MYT1L: variants seen among roughly 807,000 people sequenced by gnomAD.
MYT1L encodes myelin transcription factor 1 like, also known as myelin transcription factor 1-like protein.
A neutral mutation model predicts 126.7 loss-of-function variants in MYT1L; 12 were observed. That is an observed-to-expected ratio of 0.09 (90% CI 0.06 to 0.15). The LOEUF is 0.15. Ranked by LOEUF, MYT1L falls within the 10% of genes least tolerant of loss-of-function variation. The pLI, the probability that MYT1L is intolerant of heterozygous loss-of-function variation, is 1.00. For synonymous variants in MYT1L, 541 were observed against 604.2 expected (o/e 0.90, Z 1.53); for missense variants, 979 against 1,585.2 (o/e 0.62, Z 6.49).
At chr2:2,185,770 A>C (rs1164339739) in intron 2 of MYT1L, among the ~76,000 whole-genome samples, 135 of 64,618 alleles carry the variant, frequency 2.1e-3, no homozygotes, top group Admixed American at 4.0e-3. Flanking sequence ...CGCGTTCCTT[A>C]CGTGAGGGGG....
At chr2:2,165,913 A>G (rs1224879270) in intron 3 of MYT1L, among the ~76,000 whole-genome samples, 1 of 151,972 alleles carries the variant, frequency 6.6e-6, no homozygotes, top group Non-Finnish European at 1.5e-5. Flanking sequence ...AAAAAAATAA[A>G]ATCTTTTATT....
chr2:1,841,160 CTCTT>C, intron 19 of MYT1L: 1 of 144,338 alleles, frequency 6.9e-6, no homozygotes, highest in South Asian at 1.6e-4. Context: ...CCACCTCGGC[CTCTT>C]TTTTTTTTTT....
intron 19 of MYT1L, chr2:1,842,940 T>A (rs943293110): frequency 5.7e-6 from 1 of 175,152 alleles, no homozygotes; most frequent in South Asian, 1.3e-4. Flanking sequence ...CGCTTCCGCT[T>A]CCAGGCGCTT....
chr2:2,164,813 C>T (rs1349367624), intron 3 of MYT1L, among the ~76,000 whole-genome samples: 1 of 152,152 alleles, frequency 6.6e-6, no homozygotes, highest in Non-Finnish European at 1.5e-5. Flanking sequence ...TTAGCCCTTG[C>T]CTTTAGGACT....
At chr2:1,810,129 CTT>C (rs67292334) in intron 21 of MYT1L, 8,333 of 122,886 alleles carry the variant, frequency 0.068, 314 homozygotes, top group African/African-American at 0.11. Flanking sequence ...ATATATAACG[CTT>C]TTTTTTTTTT....
chr2:2,107,595 C>T (rs917237953), intron 3 of MYT1L, among the ~76,000 whole-genome samples: 1 of 151,430 alleles, frequency 6.6e-6, no homozygotes, highest in African/African-American at 2.4e-5. Context: ...ATAATTTTTA[C>T]GGAGTTTTTT....
rs555318324 is a variant in MYT1L at position 2,085,836 on chromosome 2, G to A, written c.-303-31713C>T. Among the ~76,000 whole-genome samples, 11 of 152,234 alleles carry A rather than the reference G, an allele frequency of 7.2e-5. No individual in the cohort carries two copies. The South Asian group carries it at 1.2e-3, about 17-fold the overall frequency. On this transcript the variant is annotated intron_variant, in intron 3 of 24. Transcript: ENST00000647738. ...CACGCACCTCTCTCTGAGACACCGC[G>A]CTCTCAGGCCCCTCTGTCCCCACTC...
intron 3 of MYT1L, among the ~76,000 whole-genome samples, chr2:2,150,823 A>C (rs916493580): frequency 2.0e-5 from 3 of 149,328 alleles, no homozygotes; most frequent in Non-Finnish European, 3.0e-5. Context: ...AGAGGGAGTG[A>C]AGAGGAAAGG....
chr2:1,843,407 A>C (rs2042082000), intron 19 of MYT1L, among the ~76,000 whole-genome samples: 1 of 152,098 alleles, frequency 6.6e-6, no homozygotes, highest in Non-Finnish European at 1.5e-5. Context: ...ACGGTATCCT[A>C]CCCAGGGAGA....
chr2:2,076,628 T>A (rs1253235132), intron 3 of MYT1L, among the ~76,000 whole-genome samples: 1 of 152,156 alleles, frequency 6.6e-6, no homozygotes, highest in Non-Finnish European at 1.5e-5. Flanking sequence ...CCAGGAAAGT[T>A]ACTAAAAAAT....
At chr2:1,956,031 C>T (rs2149347222) in intron 8 of MYT1L, among the ~76,000 whole-genome samples, 1 of 150,940 alleles carries the variant, frequency 6.6e-6, no homozygotes, top group Admixed American at 6.6e-5. Flanking sequence ...TTCATCATCC[C>T]TAGTTCTATG....
intron 2 of MYT1L, among the ~76,000 whole-genome samples, chr2:2,192,281 C>A (rs1055433248): frequency 6.6e-6 from 1 of 152,214 alleles, no homozygotes; most frequent in Admixed American, 6.5e-5. Flanking sequence ...TTCCACTCCT[C>A]CCTCCACACG....
At chr2:1,972,834 G>C (rs1458862303) in intron 8 of MYT1L, among the ~76,000 whole-genome samples, 2 of 152,230 alleles carry the variant, frequency 1.3e-5, no homozygotes, top group African/African-American at 4.8e-5. Flanking sequence ...CTAATGAAAA[G>C]GAAAAGCCAT....
chr2:2,159,212 TA>T (rs1478877330), intron 3 of MYT1L, among the ~76,000 whole-genome samples: 1 of 152,060 alleles, frequency 6.6e-6, no homozygotes, highest in Non-Finnish European at 1.5e-5. Flanking sequence ...CAGCCTGTGC[TA>T]AAAAGGAAGG....
chr2:2,205,143 G>A (rs1202900136), intron 2 of MYT1L, among the ~76,000 whole-genome samples: 5 of 148,950 alleles, frequency 3.4e-5, no homozygotes, highest in Non-Finnish European at 7.4e-5. Context: ...GGGAGGGATA[G>A]CATTAGGAGA....
chr2:2,068,769 G>GTTTGTTTTTTT (rs2074210117), intron 3 of MYT1L, among the ~76,000 whole-genome samples: 18 of 26,190 alleles, frequency 6.9e-4, no homozygotes, highest in East Asian at 2.0e-3. Context: ...TGTTCTTCTT[G>GTTTGTTTTTTT]TTTTTTTTTT....
intron 4 of MYT1L, among the ~76,000 whole-genome samples, chr2:2,006,601 G>T (rs187466751): frequency 6.8e-4 from 103 of 151,812 alleles, no homozygotes; most frequent in African/African-American, 2.3e-3. Flanking sequence ...TTTGAGACAG[G>T]GTCTCACTCT....
chr2:2,091,296 A>C (rs2150385166), intron 3 of MYT1L, among the ~76,000 whole-genome samples: 1 of 152,328 alleles, frequency 6.6e-6, no homozygotes, highest in South Asian at 2.1e-4. Context: ...AATGACATTA[A>C]TCTCCTTGCA....
At chr2:2,062,973 C>T (rs1400237845) in intron 3 of MYT1L, among the ~76,000 whole-genome samples, 1 of 152,144 alleles carries the variant, frequency 6.6e-6, no homozygotes. Flanking sequence ...TTTCTCTGAT[C>T]TCTTTCTGGA....
Sources: gnomAD v4.1 joint callset for allele counts (sites outside exome capture counted in the v4.1 genomes callset) on GRCh38, gnomAD v4.1.1 for gene constraint, MANE v1.5 for transcripts, NCBI Gene and HGNC (gene_info 2026-07-23, HGNC 2026-07-21) for gene names.